MARCHF1: variants seen among roughly 807,000 people sequenced by gnomAD.
MARCHF1 encodes the protein E3 ubiquitin-protein ligase MARCHF1.
In MARCHF1, 40 loss-of-function variants were observed where a neutral mutation model predicts 54.2. The ratio of observed to expected loss-of-function variants is 0.74; its 90% CI spans 0.57 to 0.96. MARCHF1 has a LOEUF of 0.96. Among genes scored for constraint, MARCHF1 ranks in the 40% least tolerant of loss-of-function variants. The pLI is 0.00. For synonymous variants in MARCHF1, 236 were observed against 236.3 expected, an observed-to-expected ratio of 1.00 and a Z score of 0.01; for missense variants, 586 against 656.5, an observed-to-expected ratio of 0.89 and a Z score of 1.17.
At chr4:163,995,477 C>T (rs964457361) in intron 2 of MARCHF1, among the ~76,000 whole-genome samples, 1 of 151,976 alleles carries the variant, frequency 6.6e-6, no homozygotes, top group Non-Finnish European at 1.5e-5. Context: ...GGCTAAAAGT[C>T]CCAACCATCT....
chr4:164,273,677 G>A (rs1306359305), intron 1 of MARCHF1, among the ~76,000 whole-genome samples: 4 of 152,086 alleles, frequency 2.6e-5, no homozygotes, highest in Admixed American at 6.6e-5. Flanking sequence ...AGTGACTGAC[G>A]GATCTTAAAC....
chr4:163,543,025 T>C (rs1484230784), intron 9 of MARCHF1, among the ~76,000 whole-genome samples: 1 of 151,990 alleles, frequency 6.6e-6, no homozygotes, highest in Non-Finnish European at 1.5e-5. Flanking sequence ...GGCCTGGATA[T>C]AGATTTGAGG....
intron 8 of MARCHF1, among the ~76,000 whole-genome samples, chr4:163,553,625 A>C (rs1560938396): frequency 1.3e-5 from 2 of 152,244 alleles, no homozygotes; most frequent in East Asian, 3.8e-4. Flanking sequence ...ATATCATTAT[A>C]GGTTTTAATA....
chr4:163,796,994 C>T (rs1439754518), intron 4 of MARCHF1, among the ~76,000 whole-genome samples: 1 of 152,052 alleles, frequency 6.6e-6, no homozygotes, highest in Non-Finnish European at 1.5e-5. Flanking sequence ...TTTCTTATAT[C>T]TCAAACCTTC....
chr4:163,749,960 T>C (rs574082362), intron 4 of MARCHF1, among the ~76,000 whole-genome samples: 1 of 151,924 alleles, frequency 6.6e-6, no homozygotes, highest in South Asian at 2.1e-4. Context: ...TCCCAGCTAA[T>C]CAGGAGGCTG....
intron 1 of MARCHF1, among the ~76,000 whole-genome samples, chr4:164,343,956 A>C (rs1730000107): frequency 1.3e-5 from 2 of 152,228 alleles, no homozygotes; most frequent in South Asian, 4.1e-4. Context: ...TCACAATCAC[A>C]AAGTCATGGA....
rs967533319 is a variant in MARCHF1 at position 163,821,628 on chromosome 4, A to G, written c.111+32393T>C. On this transcript the variant is annotated intron_variant, in intron 4 of 9. Coordinates refer to ENST00000514618, the MANE Select transcript of MARCHF1 (RefSeq NM_001394959.1). Reference sequence around the variant, plus strand: ...GCAGAATTAGAAAGTGACTGCTTTAATTAGTTTTTAGGTTCTAATTTTTTA... The same window carrying G: ...GCAGAATTAGAAAGTGACTGCTTTAGTTAGTTTTTAGGTTCTAATTTTTTA... Among the ~76,000 whole-genome samples the G allele has an allele frequency of 3.9e-5, 6 of 152,012 alleles. No individual in the cohort carries two copies. The South Asian group carries it at 1.0e-3, about 26-fold the overall frequency.
chr4:164,328,029 C>A (rs1735327720), intron 1 of MARCHF1, among the ~76,000 whole-genome samples: 1 of 152,120 alleles, frequency 6.6e-6, no homozygotes, highest in African/African-American at 2.4e-5. Context: ...GCCATCAGAA[C>A]CTGGGCTATA....
chr4:164,143,952 G>A (rs531982261), intron 1 of MARCHF1, among the ~76,000 whole-genome samples: 3 of 152,220 alleles, frequency 2.0e-5, no homozygotes, highest in South Asian at 2.1e-4. Flanking sequence ...GACACACATA[G>A]GCTCAAAATA....
At chr4:164,309,203 A>T (rs1734777869) in intron 1 of MARCHF1, among the ~76,000 whole-genome samples, 1 of 135,110 alleles carries the variant, frequency 7.4e-6, no homozygotes, top group African/African-American at 2.9e-5. Flanking sequence ...AAAAAGAAAA[A>T]AAAAGGCATT....
At chr4:163,838,367 G>T (rs1749248961) in intron 4 of MARCHF1, among the ~76,000 whole-genome samples, 1 of 151,926 alleles carries the variant, frequency 6.6e-6, no homozygotes, top group African/African-American at 2.4e-5. Context: ...GGGAGTAATG[G>T]CAAGAAAAAA....
At chr4:163,640,451 AG>A (rs1466254213) in intron 5 of MARCHF1, among the ~76,000 whole-genome samples, 2 of 152,186 alleles carry the variant, frequency 1.3e-5, no homozygotes, top group Non-Finnish European at 2.9e-5. Flanking sequence ...AGTTGGTTAA[AG>A]ATATACACCT....
intron 1 of MARCHF1, among the ~76,000 whole-genome samples, chr4:164,304,619 T>A (rs531823232): frequency 6.6e-6 from 1 of 152,294 alleles, no homozygotes; most frequent in East Asian, 1.9e-4. Context: ...ATACCTTATT[T>A]TGAAATAGAT....
intron 1 of MARCHF1, among the ~76,000 whole-genome samples, chr4:164,283,617 G>GA: frequency 6.6e-6 from 1 of 151,086 alleles, no homozygotes. Flanking sequence ...GAAAGTCCTG[G>GA]AAACTCATCA....
chr4:163,716,712 C>T (rs890216029), intron 4 of MARCHF1, among the ~76,000 whole-genome samples: 16 of 152,114 alleles, frequency 1.1e-4, no homozygotes, highest in Non-Finnish European at 2.4e-4. Flanking sequence ...GGTTGGGATG[C>T]AGCCATGTGC....
At chr4:163,952,529 A>G (rs1222033112) in intron 3 of MARCHF1, among the ~76,000 whole-genome samples, 1 of 152,224 alleles carries the variant, frequency 6.6e-6, no homozygotes, top group Admixed American at 6.5e-5. Flanking sequence ...CTCAGCATGC[A>G]TACCATACAA....
chr4:164,332,547 C>G (rs1460308502), intron 1 of MARCHF1, among the ~76,000 whole-genome samples: 2 of 152,108 alleles, frequency 1.3e-5, no homozygotes, highest in African/African-American at 2.4e-5. Flanking sequence ...CTTGTGAGTT[C>G]TAGGGGCAAC....
intron 2 of MARCHF1, among the ~76,000 whole-genome samples, chr4:163,997,675 T>C (rs1338734950): frequency 6.6e-6 from 1 of 152,006 alleles, no homozygotes; most frequent in Non-Finnish European, 1.5e-5. Context: ...AGAAACCTTG[T>C]ATAGTAATAT....
chr4:163,723,171 C>T (rs1745535372), intron 4 of MARCHF1, among the ~76,000 whole-genome samples: 2 of 152,126 alleles, frequency 1.3e-5, no homozygotes, highest in African/African-American at 4.8e-5. Context: ...ACCAGTTGTT[C>T]TTTCCATATT....
Sources: allele counts gnomAD v4.1 joint callset (sites outside exome capture counted in the v4.1 genomes callset), GRCh38; gene constraint gnomAD v4.1.1; transcripts MANE v1.5; gene names NCBI Gene and HGNC (gene_info 2026-07-23, HGNC 2026-07-21).